Variants in MALRD1 observed in about 807,000 individuals in gnomAD.
The protein encoded by MALRD1 is MAM and LDL receptor class A domain containing 1, also known as MAM and LDL-receptor class A domain-containing protein 1.
A neutral mutation model predicts 242.1 loss-of-function variants in MALRD1; 247 were observed. The ratio of observed to expected loss-of-function variants is 1.02; its 90% CI spans 0.92 to 1.13. The LOEUF is 1.13. Ranked by LOEUF, MALRD1 falls within the 50% of genes most tolerant of loss-of-function variation. The pLI is 0.00. For missense variants in MALRD1, 2,989 were observed against 2,533.1 expected (o/e 1.18, Z -3.86); for synonymous variants, 995 against 866.6 (o/e 1.15, Z -2.60).
At chr10:19,082,268 T>C (rs1835514973) in intron 2 of MALRD1, among the ~76,000 whole-genome samples, 1 of 151,824 alleles carries the variant, frequency 6.6e-6, no homozygotes, top group Non-Finnish European at 1.5e-5. Context: ...CAATGTAATT[T>C]TAATAATATA....
intron 18 of MALRD1, among the ~76,000 whole-genome samples, chr10:19,233,302 G>A (rs1838162844): frequency 6.6e-6 from 1 of 152,150 alleles, no homozygotes; most frequent in Non-Finnish European, 1.5e-5. Context: ...AGGAGTTTGA[G>A]AACAGCCTGG....
intron 24 of MALRD1, among the ~76,000 whole-genome samples, chr10:19,333,494 T>G (rs1843476937): frequency 6.6e-6 from 1 of 152,192 alleles, no homozygotes; most frequent in South Asian, 2.1e-4. Context: ...TTTTTATGAC[T>G]GTGTATTATT....
chr10:19,070,032 C>T (rs1835094191), intron 2 of MALRD1, among the ~76,000 whole-genome samples: 1 of 152,174 alleles, frequency 6.6e-6, no homozygotes, highest in East Asian at 1.9e-4. Context: ...GAAATCTCCG[C>T]ATATATTTTG....
intron 32 of MALRD1, among the ~76,000 whole-genome samples, chr10:19,562,326 T>TAGAC (rs1195041473): frequency 6.8e-6 from 1 of 147,610 alleles, no homozygotes; most frequent in Non-Finnish European, 1.5e-5. Flanking sequence ...GATAGATAGA[T>TAGAC]AGATAGATAG....
At chr10:19,567,070 A>G (rs1307047177) in intron 32 of MALRD1, among the ~76,000 whole-genome samples, 2 of 152,184 alleles carry the variant, frequency 1.3e-5, no homozygotes, top group African/African-American at 4.8e-5. Flanking sequence ...TTTTCTGCAC[A>G]TTACTGTGGT....
intron 36 of MALRD1, among the ~76,000 whole-genome samples, chr10:19,665,104 A>G (rs1271468434): frequency 2.6e-5 from 4 of 152,158 alleles, no homozygotes; most frequent in Non-Finnish European, 5.9e-5. Flanking sequence ...GATTAACAAG[A>G]CAAAAAACAA....
intron 29 of MALRD1, among the ~76,000 whole-genome samples, chr10:19,481,312 C>A (rs1234704420): frequency 6.6e-6 from 1 of 152,090 alleles, no homozygotes; most frequent in East Asian, 1.9e-4. Context: ...CTATTAATTG[C>A]CTGATATGTG....
intron 38 of MALRD1, 35 bp from the exon 39 acceptor site, chr10:19,730,671 A>ATAGTATAT (rs1349485996): frequency 2.0e-6 from 3 of 1,525,514 alleles, no homozygotes; most frequent in Non-Finnish European, 2.6e-6. Flanking sequence ...AAATGTCAAT[A>ATAGTATAT]GTTTTTTATT....
At chr10:19,719,288 T>G (rs1455381172) in intron 38 of MALRD1, among the ~76,000 whole-genome samples, 1 of 138,978 alleles carries the variant, frequency 7.2e-6, no homozygotes, top group East Asian at 2.1e-4. Flanking sequence ...AAAGGGACTT[T>G]CCTGCTAGGC....
chr10:19,291,869 G>T (rs1203108413), intron 21 of MALRD1, among the ~76,000 whole-genome samples: 1 of 151,898 alleles, frequency 6.6e-6, no homozygotes, highest in East Asian at 1.9e-4. Flanking sequence ...TGGATCACTT[G>T]ATGTCAGGAG....
At chr10:19,113,832 G>GAC (rs1207348222) in intron 5 of MALRD1, among the ~76,000 whole-genome samples, 2 of 94,346 alleles carry the variant, frequency 2.1e-5, no homozygotes, top group Non-Finnish European at 4.8e-5. Flanking sequence ...CACACACACA[G>GAC]ACACACACAC....
In MALRD1 at chr10:19,123,491, G is replaced by A. The variant is rs12265116; in HGVS notation, c.695-1G>A. ...TTCTTGCCAATCTTTAAATTTAACA[G>A]ATGGAATTTTACTGTGTCAAGAAGC... On this transcript the variant is annotated splice_acceptor_variant, in intron 5 of 39. Transcript: ENST00000454679. LOFTEE classifies it high-confidence loss of function. 1 of 1,232,148 alleles carries A rather than the reference G, an allele frequency of 8.1e-7. No individual in the cohort carries two copies. Among genetic ancestry groups the A allele is most frequent in the Non-Finnish European group, 1.0e-6 (1 of 986,538 alleles). The allele number at this position is 1,232,148 out of a possible 1,614,324, so 76.3% of individuals were successfully genotyped here.
chr10:19,546,149 A>G (rs1045297318), intron 32 of MALRD1, among the ~76,000 whole-genome samples: 2 of 152,094 alleles, frequency 1.3e-5, no homozygotes, highest in Non-Finnish European at 2.9e-5. Flanking sequence ...TTAGTGTTCT[A>G]TTTCTATAGA....
chr10:19,070,274 C>A (rs989179654), intron 2 of MALRD1, among the ~76,000 whole-genome samples: 2 of 152,118 alleles, frequency 1.3e-5, no homozygotes, highest in African/African-American at 2.4e-5. Context: ...TTAGCCTAGC[C>A]TACCTGAAAC....
chr10:19,692,650 CATGCAGGAAACT>C, intron 38 of MALRD1, 96 bp downstream of exon 38: 1 of 918,882 alleles, frequency 1.1e-6, no homozygotes, highest in South Asian at 1.7e-5. Context: ...CTCCATATTA[CATGCAGGAAACT>C]TTAGTGTTTT....
intron 26 of MALRD1, among the ~76,000 whole-genome samples, chr10:19,368,279 ATTT>A (rs1845192937): frequency 6.6e-6 from 1 of 151,980 alleles, no homozygotes; most frequent in Non-Finnish European, 1.5e-5. Flanking sequence ...TCTTTGATCA[ATTT>A]TAATTTTGTA....
At chr10:19,163,163 A>G (rs1834513923) in intron 12 of MALRD1, among the ~76,000 whole-genome samples, 1 of 145,842 alleles carries the variant, frequency 6.9e-6, no homozygotes, top group Non-Finnish European at 1.5e-5. Flanking sequence ...AAAAAAAAAA[A>G]AAGACATCAT....
chr10:19,234,712 A>ACACTAT (rs1838227340), intron 18 of MALRD1, among the ~76,000 whole-genome samples: 1 of 152,158 alleles, frequency 6.6e-6, no homozygotes. Flanking sequence ...TATACTCCAG[A>ACACTAT]CACTATGCCA....
At chr10:19,406,082 T>C (rs1847090193) in intron 28 of MALRD1, among the ~76,000 whole-genome samples, 3 of 152,188 alleles carry the variant, frequency 2.0e-5, no homozygotes, top group Non-Finnish European at 4.4e-5. Flanking sequence ...CCACTTTCTT[T>C]ACATATGTAA....
Sources: gnomAD v4.1 joint callset for allele counts (sites outside exome capture counted in the v4.1 genomes callset) on GRCh38, gnomAD v4.1.1 for gene constraint, MANE v1.5 for transcripts, NCBI Gene and HGNC (gene_info 2026-07-23, HGNC 2026-07-21) for gene names.